Variants in CNTNAP2 observed in about 807,000 individuals in gnomAD.
CNTNAP2 encodes the protein contactin-associated protein-like 2.
CNTNAP2 carries 98 observed loss-of-function variants against 155.2 expected under a neutral mutation model. The observed-to-expected ratio is 0.63, with a 90% CI of 0.54 to 0.75. The LOEUF (loss-of-function observed/expected upper bound fraction) is 0.75, where lower values mean the gene tolerates loss of function less well. Among genes scored for constraint, CNTNAP2 ranks in the 30% least tolerant of loss-of-function variants. CNTNAP2 has a pLI of 0.00. For missense variants in CNTNAP2, 1,727 were observed against 1,688.1 expected, an observed-to-expected ratio of 1.02 and a Z score of -0.40; for synonymous variants, 651 against 631.2, an observed-to-expected ratio of 1.03 and a Z score of -0.47.
chr7:146,693,584 A>G (rs1396292959), intron 1 of CNTNAP2, among the ~76,000 whole-genome samples: 2 of 152,200 alleles, frequency 1.3e-5, no homozygotes, highest in Non-Finnish European at 2.9e-5. Context: ...CCAGAATATT[A>G]TACCTTGACA....
chr7:147,734,770 T>C (rs569524395), intron 13 of CNTNAP2, among the ~76,000 whole-genome samples: 1 of 152,352 alleles, frequency 6.6e-6, no homozygotes, highest in East Asian at 1.9e-4. Context: ...CAGGAATTTA[T>C]CCATGTCTTC....
At chr7:148,117,622 G>T (rs1804503141) in intron 15 of CNTNAP2, among the ~76,000 whole-genome samples, 1 of 152,094 alleles carries the variant, frequency 6.6e-6, no homozygotes, top group Admixed American at 6.5e-5. Context: ...GCTTGCACCA[G>T]ACCAAAGCTA....
chr7:146,412,795 G>A lies in CNTNAP2; in HGVS notation c.97+295822G>A, dbSNP rs547350231. ...TTTAGAAAGCTGGCAAATTTTCTGT[G>A]GCTCCTCAAACATTACTGTAAAATT... On this transcript the variant is annotated intron_variant, in intron 1 of 23. Transcript: ENST00000361727. Among the ~76,000 whole-genome samples, 8 of 152,266 alleles carry A rather than the reference G, an allele frequency of 5.3e-5. No homozygotes were observed. The East Asian group carries it at 1.4e-3, about 26-fold the overall frequency.
chr7:146,453,337 A>T (rs889866841), intron 1 of CNTNAP2, among the ~76,000 whole-genome samples: 1 of 152,334 alleles, frequency 6.6e-6, no homozygotes, highest in African/African-American at 2.4e-5. Context: ...GGGGCATGGG[A>T]TAGAGTTTGC....
At chr7:147,594,299 G>A (rs781607173) in intron 12 of CNTNAP2, among the ~76,000 whole-genome samples, 3 of 151,796 alleles carry the variant, frequency 2.0e-5, no homozygotes, top group Admixed American at 6.6e-5. Context: ...CTACCCTCTG[G>A]TATCTTGGGT....
intron 21 of CNTNAP2, among the ~76,000 whole-genome samples, chr7:148,356,892 T>TA (rs1267583928): frequency 6.7e-6 from 1 of 148,772 alleles, no homozygotes; most frequent in East Asian, 2.0e-4. Flanking sequence ...TCGTCACCAT[T>TA]AAAAAAACAA....
chr7:148,286,195 A>G (rs1368623037), intron 21 of CNTNAP2, among the ~76,000 whole-genome samples: 1 of 152,060 alleles, frequency 6.6e-6, no homozygotes, highest in Non-Finnish European at 1.5e-5. Context: ...ATATAAGTAG[A>G]CTCATGCAGT....
chr7:147,305,304 T>C (rs1795008698), intron 9 of CNTNAP2, among the ~76,000 whole-genome samples: 1 of 152,178 alleles, frequency 6.6e-6, no homozygotes, highest in South Asian at 2.1e-4. Flanking sequence ...AGTAGTTATG[T>C]TTTAAAATAA....
intron 14 of CNTNAP2, among the ~76,000 whole-genome samples, chr7:147,972,508 A>G (rs910266153): frequency 1.3e-5 from 2 of 152,212 alleles, no homozygotes; most frequent in Non-Finnish European, 2.9e-5. Context: ...TAAAAAAGTC[A>G]AGGAAAGACA....
intron 11 of CNTNAP2, among the ~76,000 whole-genome samples, chr7:147,540,610 A>T (rs1030429272): frequency 6.6e-5 from 10 of 152,288 alleles, no homozygotes; most frequent in African/African-American, 1.9e-4. Flanking sequence ...AGGAGGGCAG[A>T]TCACAAGGTC....
chr7:146,608,359 A>G (rs1230952909), intron 1 of CNTNAP2, among the ~76,000 whole-genome samples: 1 of 152,214 alleles, frequency 6.6e-6, no homozygotes, highest in Admixed American at 6.5e-5. Context: ...GAATATGCTT[A>G]ATAATTCAGA....
chr7:147,364,575 G>T (rs13247289), intron 9 of CNTNAP2, among the ~76,000 whole-genome samples: 35,099 of 152,104 alleles, frequency 0.23, 4,398 homozygotes, highest in Non-Finnish European at 0.28. Flanking sequence ...AGGCTTATGA[G>T]AATATTTCAC....
chr7:147,426,751 T>C (rs1291144378), intron 10 of CNTNAP2, among the ~76,000 whole-genome samples: 1 of 152,182 alleles, frequency 6.6e-6, no homozygotes, highest in African/African-American at 2.4e-5. Flanking sequence ...CTGCTTTGTT[T>C]ACCACTATGT....
Position 146,643,797 on chromosome 7 carries a change from G to A in CNTNAP2, c.98-130474G>A, listed in dbSNP as rs1435333237. Among the ~76,000 whole-genome samples the A allele has an allele frequency of 2.0e-5, 3 of 151,990 alleles. No individual in the cohort carries two copies. In the East Asian group the frequency reaches 5.8e-4, roughly 29 times the overall value. On this transcript the variant is annotated intron_variant, in intron 1 of 23. Coordinates refer to ENST00000361727, the MANE Select transcript of CNTNAP2 (RefSeq NM_014141.6). ...ATTGATTCTTCCTACCCATGAGTAT[G>A]GAATGTTCTTCCATTTGTTTGTATC...
At chr7:147,724,064 A>G (rs1796605839) in intron 13 of CNTNAP2, among the ~76,000 whole-genome samples, 1 of 151,966 alleles carries the variant, frequency 6.6e-6, no homozygotes, top group African/African-American at 2.4e-5. Flanking sequence ...CAAAATCTTT[A>G]AAAGCATTAC....
intron 1 of CNTNAP2, among the ~76,000 whole-genome samples, chr7:146,419,065 T>C (rs1373116689): frequency 6.6e-6 from 1 of 152,156 alleles, no homozygotes; most frequent in African/African-American, 2.4e-5. Context: ...TATGCCTTTA[T>C]TTTTCTATAA....
chr7:146,828,323 A>G (rs1803446440), intron 2 of CNTNAP2, among the ~76,000 whole-genome samples: 1 of 152,094 alleles, frequency 6.6e-6, no homozygotes, highest in Non-Finnish European at 1.5e-5. Context: ...ACTGAAAATA[A>G]GCCAATAAGA....
At chr7:148,337,251 G>C (rs1376211296) in intron 21 of CNTNAP2, among the ~76,000 whole-genome samples, 4 of 151,762 alleles carry the variant, frequency 2.6e-5, no homozygotes, top group African/African-American at 4.8e-5. Context: ...GAGAGGCATC[G>C]CTCCAGCCTC....
At chr7:146,803,185 G>T (rs1802910706) in intron 2 of CNTNAP2, among the ~76,000 whole-genome samples, 1 of 152,016 alleles carries the variant, frequency 6.6e-6, no homozygotes, top group Admixed American at 6.6e-5. Context: ...ACACCTAAAA[G>T]TAACGGGAAA....
Sources: gnomAD v4.1 joint callset for allele counts (sites outside exome capture counted in the v4.1 genomes callset) on GRCh38, gnomAD v4.1.1 for gene constraint, MANE v1.5 for transcripts, NCBI Gene and HGNC (gene_info 2026-07-23, HGNC 2026-07-21) for gene names.